The following CNTNAP2 variants were observed in gnomAD, a reference collection of about 807,000 sequenced individuals.
The protein encoded by CNTNAP2 is contactin associated protein 2, also known as contactin-associated protein-like 2.
Under a neutral mutation model 155.2 loss-of-function variants are expected in CNTNAP2, and 98 were observed. That is an observed-to-expected ratio of 0.63 (90% CI 0.54 to 0.75). The LOEUF (loss-of-function observed/expected upper bound fraction) is 0.75, where lower values mean the gene tolerates loss of function less well. CNTNAP2 is among the 30% of genes least tolerant of loss of function. The pLI is 0.00. For synonymous variants in CNTNAP2, 651 were observed against 631.2 expected (o/e 1.03, Z -0.47); for missense variants, 1,727 against 1,688.1 (o/e 1.02, Z -0.40).
intron 12 of CNTNAP2, among the ~76,000 whole-genome samples, chr7:147,606,371 C>T (rs773253783): frequency 3.3e-5 from 5 of 152,148 alleles, no homozygotes; most frequent in East Asian, 1.9e-4. Context: ...TTTTCTTGAA[C>T]GTTTCCCCTT....
intron 1 of CNTNAP2, among the ~76,000 whole-genome samples, chr7:146,478,987 CT>C (rs1796920688): frequency 6.6e-6 from 1 of 152,024 alleles, no homozygotes; most frequent in Non-Finnish European, 1.5e-5. Flanking sequence ...CAAAACAATA[CT>C]TTTAAAATTG....
At chr7:147,835,186 C>T (rs1459022241) in intron 13 of CNTNAP2, among the ~76,000 whole-genome samples, 1 of 152,160 alleles carries the variant, frequency 6.6e-6, no homozygotes, top group Non-Finnish European at 1.5e-5. Flanking sequence ...GCCCCACCAC[C>T]ACCATCCCCA....
intron 21 of CNTNAP2, among the ~76,000 whole-genome samples, chr7:148,285,440 C>A: frequency 6.6e-6 from 1 of 152,188 alleles, no homozygotes; most frequent in East Asian, 1.9e-4. Flanking sequence ...CAGAAGTGAG[C>A]CTTATTCCAT....
rs545427474 is a variant in CNTNAP2 at position 148,376,792 on chromosome 7, A to C, written c.3476-6857A>C. On this transcript the variant is annotated intron_variant, in intron 21 of 23. Coordinates refer to ENST00000361727, the MANE Select transcript of CNTNAP2 (RefSeq NM_014141.6). ...TACATCAATTATGGATCCAGATTTA[A>C]TTCTGGCTGTGCCTCTTTGGAAAGG... Among the ~76,000 whole-genome samples, 78 of 67,868 alleles carry C rather than the reference A, an allele frequency of 1.1e-3. 27 individuals are homozygous for C. Among genetic ancestry groups the C allele is most frequent in the African/African-American group, 2.8e-3 (77 of 27,794 alleles). The allele number at this position is 67,868 out of a possible 152,430, so 44.5% of individuals were successfully genotyped here.
intron 21 of CNTNAP2, among the ~76,000 whole-genome samples, chr7:148,346,311 C>T (rs114193000): frequency 2.8e-4 from 42 of 152,156 alleles, no homozygotes; most frequent in Middle Eastern, 3.4e-3. Context: ...TTTCAGAATA[C>T]GTGAAAATTA....
At chr7:147,482,536 G>A (rs1563221698) in intron 10 of CNTNAP2, among the ~76,000 whole-genome samples, 2 of 151,450 alleles carry the variant, frequency 1.3e-5, no homozygotes, top group Admixed American at 1.3e-4. Flanking sequence ...GGCTAACACA[G>A]TGAAACCCCG....
chr7:148,392,385 T>C (rs1799371041), intron 22 of CNTNAP2, among the ~76,000 whole-genome samples: 1 of 152,170 alleles, frequency 6.6e-6, no homozygotes, highest in Admixed American at 6.5e-5. Context: ...GCTAGTTATT[T>C]TAAAGGACTT....
intron 21 of CNTNAP2, among the ~76,000 whole-genome samples, chr7:148,282,269 G>A (rs541569749): frequency 5.9e-5 from 9 of 152,208 alleles, no homozygotes; most frequent in Admixed American, 5.2e-4. Flanking sequence ...CAGCTGCAAA[G>A]GCAAATCTTG....
At chr7:147,353,213 T>A (rs1423219249) in intron 9 of CNTNAP2, among the ~76,000 whole-genome samples, 1 of 151,534 alleles carries the variant, frequency 6.6e-6, no homozygotes, top group Non-Finnish European at 1.5e-5. Flanking sequence ...TTTTGTTACA[T>A]AGGTATACAC....
chr7:146,884,612 A>G (rs1481229541), intron 3 of CNTNAP2, among the ~76,000 whole-genome samples: 1 of 152,112 alleles, frequency 6.6e-6, no homozygotes, highest in African/African-American at 2.4e-5. Flanking sequence ...TATGGGATTT[A>G]CATTCAGGTG....
chr7:146,603,790 T>G (rs948704940), intron 1 of CNTNAP2, among the ~76,000 whole-genome samples: 1 of 150,390 alleles, frequency 6.6e-6, no homozygotes, highest in Non-Finnish European at 1.5e-5. Flanking sequence ...CTATCTGATC[T>G]TTGACAAACC....
intron 20 of CNTNAP2, among the ~76,000 whole-genome samples, chr7:148,264,439 T>C (rs1175439551): frequency 6.6e-6 from 1 of 152,172 alleles, no homozygotes; most frequent in East Asian, 1.9e-4. Context: ...AATAGAATTT[T>C]GTTGTATTTT....
intron 9 of CNTNAP2, among the ~76,000 whole-genome samples, chr7:147,383,248 A>T (rs149118623): frequency 3.2e-4 from 48 of 152,264 alleles, no homozygotes; most frequent in African/African-American, 1.1e-3. Flanking sequence ...AAATTAATGC[A>T]TTCATTCAAG....
intron 1 of CNTNAP2, among the ~76,000 whole-genome samples, chr7:146,705,535 G>A (rs893477494): frequency 6.6e-6 from 1 of 152,132 alleles, no homozygotes; most frequent in South Asian, 2.1e-4. Flanking sequence ...TTGGTACAAC[G>A]TATTAGTCTG....
At chr7:146,316,600 A>G (rs1209668602) in intron 1 of CNTNAP2, among the ~76,000 whole-genome samples, 1 of 152,154 alleles carries the variant, frequency 6.6e-6, no homozygotes, top group Admixed American at 6.6e-5. Context: ...GATAACTTTC[A>G]TGAAGCTGTG....
intron 1 of CNTNAP2, among the ~76,000 whole-genome samples, chr7:146,302,487 G>A (rs1042535571): frequency 1.4e-4 from 21 of 152,230 alleles, no homozygotes; most frequent in Admixed American, 1.2e-3. Flanking sequence ...AGTATTAAAT[G>A]CCTGATGTAT....
intron 8 of CNTNAP2, among the ~76,000 whole-genome samples, chr7:147,272,660 G>A (rs1804780361): frequency 7.8e-6 from 1 of 127,778 alleles, no homozygotes; most frequent in Non-Finnish European, 1.8e-5. Flanking sequence ...ACCACGCCCG[G>A]CTAATTTTTT....
At chr7:146,438,136 A>T (rs904293488) in intron 1 of CNTNAP2, among the ~76,000 whole-genome samples, 1 of 151,464 alleles carries the variant, frequency 6.6e-6, no homozygotes, top group African/African-American at 2.5e-5. Context: ...TACATTATAC[A>T]TATGTATATC....
intron 15 of CNTNAP2, among the ~76,000 whole-genome samples, chr7:148,025,817 A>G (rs1169229609): frequency 2.0e-5 from 3 of 152,240 alleles, no homozygotes; most frequent in Non-Finnish European, 4.4e-5. Flanking sequence ...TGAAAAAATT[A>G]TCCATAATGA....
Sources: allele counts gnomAD v4.1 joint callset (sites outside exome capture counted in the v4.1 genomes callset), GRCh38; gene constraint gnomAD v4.1.1; transcripts MANE v1.5; gene names NCBI Gene and HGNC (gene_info 2026-07-23, HGNC 2026-07-21).